The following NKX6-1 variants were observed in gnomAD, a reference collection of about 807,000 sequenced individuals.
NKX6-1 encodes NK6 homeobox 1.
A neutral mutation model predicts 24.9 loss-of-function variants in NKX6-1; 11 were observed. That is an observed-to-expected ratio of 0.44 (90% confidence interval 0.28 to 0.73). NKX6-1 has a LOEUF of 0.73. Among genes scored for constraint, NKX6-1 ranks in the 30% least tolerant of loss-of-function variants. The pLI, the probability that NKX6-1 is intolerant of heterozygous loss-of-function variation, is 0.15. For synonymous variants in NKX6-1, 277 were observed against 242.9 expected, an observed-to-expected ratio of 1.14 and a Z score of -1.31; for missense variants, 487 against 502.9, an observed-to-expected ratio of 0.97 and a Z score of 0.30.
In NKX6-1 at chr4:84,498,278, T is replaced by C; in HGVS notation, c.-50A>G. On this transcript the variant is annotated 5_prime_UTR_variant, in exon 1 of 3. Coordinates refer to ENST00000295886, the MANE Select transcript of NKX6-1 (RefSeq NM_006168.3). ...GCCTTGCAGCGAGGGCGCTGGCTGGTGCCCCCCGCGGGGCTCAGAGGAGCC... is the reference window on the plus strand; with the variant it reads ...GCCTTGCAGCGAGGGCGCTGGCTGGCGCCCCCCGCGGGGCTCAGAGGAGCC... The C allele has an allele frequency of 7.8e-7, 1 of 1,284,294 alleles. No homozygotes were observed. Among genetic ancestry groups the C allele is most frequent in the Non-Finnish European group, 9.8e-7 (1 of 1,016,000 alleles). 79.6% of individuals were successfully genotyped at this position (1,284,294 alleles called of 1,614,324 possible). A position where few individuals can be genotyped will look rare whatever the true frequency, so the allele number is the denominator to read the frequency against.
Position 84,495,740 on chromosome 4 carries a change from T to C in NKX6-1, c.775A>G (p.Lys259Glu). 3.7e-6 allele frequency: 6 copies of C among 1,613,822 alleles called. No homozygotes were observed. The highest frequency in any genetic ancestry group is 5.1e-6 in the Non-Finnish European group (6 of 1,180,046). ...FALEKTFEQT[K>E]YLAGPERARL... ...GCCCTCTCGGGCCCCGCCAAGTATTTTGTTTGTTCGAAAGTCTTCTCCAGG... is the reference window on the plus strand; with the variant it reads ...GCCCTCTCGGGCCCCGCCAAGTATTCTGTTTGTTCGAAAGTCTTCTCCAGG... The change falls in exon 2 of 3, where the codon AAA (lysine) becomes GAA (glutamate). Residue 259 changes from lysine to glutamate, a missense_variant. Coordinates refer to ENST00000295886, the MANE Select transcript of NKX6-1 (RefSeq NM_006168.3).
rs1263111575 is a variant in NKX6-1 at position 84,498,465 on chromosome 4, TC to T, written c.-238del. 2.5e-6 allele frequency: 1 copy of T among 402,040 alleles called. No individual in the cohort carries two copies. The highest frequency in any genetic ancestry group is 4.3e-6 in the Non-Finnish European group (1 of 231,320). The allele number at this position is 402,040 out of a possible 1,614,324, so 24.9% of individuals were successfully genotyped here. A position where few individuals can be genotyped will look rare whatever the true frequency, so the allele number is the denominator to read the frequency against. ...GGCAGCTCGCCGAGAAAAGCAGGCG[TC>T]CCGGCGGGCTAGGCAGTCCTTTCGT... On this transcript the variant is annotated 5_prime_UTR_variant, in exon 1 of 3. Coordinates refer to ENST00000295886, the MANE Select transcript of NKX6-1 (RefSeq NM_006168.3).
At chr4:84,496,732 G>C (rs1412293772) in intron 1 of NKX6-1, 1 of 152,412 alleles carries the variant, frequency 6.6e-6, no homozygotes, top group Non-Finnish European at 1.5e-5. Flanking sequence ...CAAGGTCTTT[G>C]CGGGATGGTA....
intron 1 of NKX6-1, among the ~76,000 whole-genome samples, chr4:84,496,177 C>T (rs144909383): frequency 5.9e-5 from 9 of 152,236 alleles, no homozygotes; most frequent in Admixed American, 1.3e-4. Context: ...AGAAAAAGGC[C>T]ACTCTCGCCT....
intron 2 of NKX6-1, among the ~76,000 whole-genome samples, chr4:84,494,188 A>C (rs1157089189): frequency 6.6e-6 from 1 of 152,036 alleles, no homozygotes; most frequent in Non-Finnish European, 1.5e-5. Context: ...AAAAAAAAAA[A>C]AAAGATCTGT....
At chr4:84,496,638 C>T (rs1720827838) in intron 1 of NKX6-1, 1 of 152,308 alleles carries the variant, frequency 6.6e-6, no homozygotes, top group African/African-American at 2.4e-5. Flanking sequence ...TGAAGTCCAC[C>T]TGGAAGGCTG....
chr4:84,493,435 C>A lies in NKX6-1; in HGVS notation c.958G>T (p.Glu320Ter), dbSNP rs564764351. 36 of 1,614,240 alleles carry A rather than the reference C, an allele frequency of 2.2e-5. No individual in the cohort carries two copies. The highest frequency in any genetic ancestry group is 3.1e-5 in the Non-Finnish European group (36 of 1,180,042). Reference sequence around the variant, plus strand: ...TTATTGTAGTCGTCGTCCTCTTCCTCGTTCTCCGAGGCCCCCTTGAGGCGC... The same window carrying A: ...TTATTGTAGTCGTCGTCCTCTTCCTAGTTCTCCGAGGCCCCCTTGAGGCGC... ...TERLKGASENEEEDDDYNKPL... is the reference protein window; with the variant it reads ...TERLKGASEN The change falls in exon 3 of 3, where the codon GAG becomes TAG. Residue 320 changes from glutamate (E) to a stop codon, truncating the protein, a stop_gained. Coordinates refer to ENST00000295886, the MANE Select transcript of NKX6-1 (RefSeq NM_006168.3). LOFTEE classifies it high-confidence loss of function. The surrounding 1 kb of genome is among the most constrained non-coding windows in gnomAD (Gnocchi z 5.1).
chr4:84,495,642 T>A (rs2109986827), intron 2 of NKX6-1, 30 bp downstream of exon 2: 1 of 1,601,614 alleles, frequency 6.2e-7, no homozygotes, highest in Admixed American at 1.7e-5. Flanking sequence ...GGGCGGTACC[T>A]ATCCCTCCAG....
chr4:84,492,403 G>C lies in NKX6-1; in HGVS notation c.*886C>G, dbSNP rs1196795464. On this transcript the variant is annotated 3_prime_UTR_variant, in exon 3 of 3. Coordinates refer to ENST00000295886, the MANE Select transcript of NKX6-1 (RefSeq NM_006168.3). Reference sequence around the variant, plus strand: ...ATTTCAGAGAGGAACAGGGAGGCAGGTGAGAGGCCCTCCCTGGTTCCCACG... The same window carrying C: ...ATTTCAGAGAGGAACAGGGAGGCAGCTGAGAGGCCCTCCCTGGTTCCCACG... 1 of 151,992 alleles carries C rather than the reference G, an allele frequency of 6.6e-6. No homozygotes were observed. Among genetic ancestry groups the C allele is most frequent in the Admixed American group, 6.6e-5 (1 of 15,262 alleles). 9.4% of individuals were successfully genotyped at this position (151,992 alleles called of 1,614,324 possible). A position where few individuals can be genotyped will look rare whatever the true frequency, so the allele number is the denominator to read the frequency against.
chr4:84,493,735 C>A lies in NKX6-1; in HGVS notation c.844-186G>T, dbSNP rs1720771020. Among the ~76,000 whole-genome samples the A allele has an allele frequency of 1.3e-5, 2 of 152,192 alleles. No homozygotes were observed. On this transcript the variant is annotated intron_variant, in intron 2 of 2. Coordinates refer to ENST00000295886, the MANE Select transcript of NKX6-1 (RefSeq NM_006168.3). The surrounding 1 kb of genome is among the most constrained non-coding windows in gnomAD (Gnocchi z 5.1). The stretch of plus-strand genomic sequence containing the variant: ...CAGTCTCCGTCGCCCCAAGTTCCCC[C>A]TGAGTAACTGGCACCAACAAACTGA...
Position 84,493,180 on chromosome 4 carries a change from T to C in NKX6-1, c.*109A>G. ...AAGGGTCCCCGCAGGCAGGGCCGGG[T>C]CCTCCGGGCCCCGAGGAGCGGGCAG... On this transcript the variant is annotated 3_prime_UTR_variant, in exon 3 of 3. Coordinates refer to ENST00000295886, the MANE Select transcript of NKX6-1 (RefSeq NM_006168.3). The surrounding 1 kb of genome is among the most constrained non-coding windows in gnomAD (Gnocchi z 5.1). 1 of 1,030,124 alleles carries C rather than the reference T, an allele frequency of 9.7e-7. No individual in the cohort carries two copies. Among genetic ancestry groups the C allele is most frequent in the Non-Finnish European group, 1.3e-6 (1 of 776,802 alleles). 63.8% of individuals were successfully genotyped at this position (1,030,124 alleles called of 1,614,324 possible). A position where few individuals can be genotyped will look rare whatever the true frequency, so the allele number is the denominator to read the frequency against.
Position 84,497,760 on chromosome 4 carries a change from G to T in NKX6-1, c.469C>A (p.Leu157Met). 7.8e-7 allele frequency: 1 copy of T among 1,277,306 alleles called. No individual in the cohort carries two copies. The highest frequency in any genetic ancestry group is 9.9e-7 in the Non-Finnish European group (1 of 1,014,848). 79.1% of individuals were successfully genotyped at this position (1,277,306 alleles called of 1,614,324 possible). The stretch of plus-strand genomic sequence containing the variant: ...CTGCTAAAGCGTGGCAGTCCGGCCA[G>T]CAGCCCCGCCGGGGATGAGGCGGCG... Reference protein sequence around the residue: ...AAAASSPAGLLAGLPRFSSLS... With the variant: ...AAAASSPAGLMAGLPRFSSLS... Residue 157 changes from leucine to methionine, a missense_variant, in exon 1 of 3, where the codon CTG becomes ATG. Physicochemically the swap from Leu to Met is conservative, Grantham distance 15. This residue lies in a region of NKX6-1 where 316 missense variants were observed against 311.4 expected (regional missense o/e 1.01). Coordinates refer to ENST00000295886, the MANE Select transcript of NKX6-1 (RefSeq NM_006168.3). This position sits in a 1 kb window ranked among gnomAD's most constrained non-coding sequence, Gnocchi z 4.8.
rs1375717414 is a variant in NKX6-1 at position 84,498,716 on chromosome 4, G to A, written c.-488C>T. ...GGAGGTTCAAAGGACGCCTTGTGCA[G>A]CCCGTGGCGCTCCTCTGATCTTACT... On this transcript the variant is annotated 5_prime_UTR_variant, in exon 1 of 3. Transcript: ENST00000295886. Among the ~76,000 whole-genome samples the A allele has an allele frequency of 6.6e-6, 1 of 152,186 alleles. No homozygotes were observed. Among genetic ancestry groups the A allele is most frequent in the Non-Finnish European group, 1.5e-5 (1 of 68,042 alleles).
Position 84,493,101 on chromosome 4 carries a change from C to G in NKX6-1, c.*188G>C. On this transcript the variant is annotated 3_prime_UTR_variant, in exon 3 of 3. Coordinates refer to ENST00000295886, the MANE Select transcript of NKX6-1 (RefSeq NM_006168.3). The surrounding 1 kb of genome is among the most constrained non-coding windows in gnomAD (Gnocchi z 5.1). ...CCCCGGAGTCTCTCTCCCCTACATCCCCTCCCACAACTTCAAGGTTAAAAA... is the reference window on the plus strand; with the variant it reads ...CCCCGGAGTCTCTCTCCCCTACATCGCCTCCCACAACTTCAAGGTTAAAAA... 2.2e-6 allele frequency: 1 copy of G among 451,918 alleles called. No individual in the cohort carries two copies. Among genetic ancestry groups the G allele is most frequent in the African/African-American group, 2.1e-5 (1 of 48,780 alleles). 28.0% of individuals were successfully genotyped at this position (451,918 alleles called of 1,614,324 possible). A position where few individuals can be genotyped will look rare whatever the true frequency, so the allele number is the denominator to read the frequency against.
chr4:84,496,495 C>A (rs1372023076), intron 1 of NKX6-1: 1 of 152,330 alleles, frequency 6.6e-6, no homozygotes, highest in East Asian at 1.9e-4. Flanking sequence ...AAGAGAACCT[C>A]CACTTGGCTT....
At position 84,493,638 on chromosome 4, in the gene NKX6-1, A is replaced by G; in HGVS notation, c.844-89T>C. On this transcript the variant is annotated intron_variant, in intron 2 of 2. Transcript: ENST00000295886. The surrounding 1 kb of genome is among the most constrained non-coding windows in gnomAD (Gnocchi z 5.1). ...GCCATGCTACCACTCCCGCATCTCG[A>G]TGGCCCTCCCGCGGCCCCCCGAAGG... 1 of 1,503,900 alleles carries G rather than the reference A, an allele frequency of 6.6e-7. No individual in the cohort carries two copies. Among genetic ancestry groups the G allele is most frequent in the Non-Finnish European group, 9.0e-7 (1 of 1,109,262 alleles). The allele number at this position is 1,503,900 out of a possible 1,614,324, so 93.2% of individuals were successfully genotyped here.
chr4:84,497,533 A>T lies in NKX6-1; in HGVS notation c.670+26T>A, dbSNP rs1187229365. On this transcript the variant is annotated intron_variant, in intron 1 of 2. Transcript: ENST00000295886. The surrounding 1 kb of genome is among the most constrained non-coding windows in gnomAD (Gnocchi z 4.8). ...GGCAGAACAGGCACGGCAGGCAGGCATCGGGGCGCGGGTGGTAGTACTCAC... is the reference window on the plus strand; with the variant it reads ...GGCAGAACAGGCACGGCAGGCAGGCTTCGGGGCGCGGGTGGTAGTACTCAC... 4 of 1,253,570 alleles carry T rather than the reference A, an allele frequency of 3.2e-6. No individual in the cohort carries two copies. Among genetic ancestry groups the T allele is most frequent in the Non-Finnish European group, 4.0e-6 (4 of 991,550 alleles). 77.7% of individuals were successfully genotyped at this position (1,253,570 alleles called of 1,614,324 possible). A position where few individuals can be genotyped will look rare whatever the true frequency, so the allele number is the denominator to read the frequency against.
chr4:84,493,087 C>G lies in NKX6-1; in HGVS notation c.*202G>C, dbSNP rs959866522. ...TCTTGCCTTATCAACCCCGGAGTCT[C>G]TCTCCCCTACATCCCCTCCCACAAC... On this transcript the variant is annotated 3_prime_UTR_variant, in exon 3 of 3. Coordinates refer to ENST00000295886, the MANE Select transcript of NKX6-1 (RefSeq NM_006168.3). This position sits in a 1 kb window ranked among gnomAD's most constrained non-coding sequence, Gnocchi z 5.1. 1.1e-4 allele frequency: 48 copies of G among 419,732 alleles called. No homozygotes were observed. The highest frequency in any genetic ancestry group is 6.3e-4 in the Middle Eastern group (1 of 1,590). 26.0% of individuals were successfully genotyped at this position (419,732 alleles called of 1,614,324 possible).
chr4:84,492,149 G>T lies in NKX6-1; in HGVS notation c.*1140C>A, dbSNP rs1720737604. The T allele has an allele frequency of 6.6e-6, 1 of 152,158 alleles. No homozygotes were observed. 9.4% of individuals were successfully genotyped at this position (152,158 alleles called of 1,614,324 possible). On this transcript the variant is annotated 3_prime_UTR_variant, in exon 3 of 3. Coordinates refer to ENST00000295886, the MANE Select transcript of NKX6-1 (RefSeq NM_006168.3). ...ATATCACCATTATTAGCTGTAAAAAGAAAACAATTTACATATTCTATAGTA... is the reference window on the plus strand; with the variant it reads ...ATATCACCATTATTAGCTGTAAAAATAAAACAATTTACATATTCTATAGTA...
Sources: allele counts gnomAD v4.1 joint callset (sites outside exome capture counted in the v4.1 genomes callset), GRCh38; gene constraint gnomAD v4.1.1; regional missense constraint gnomAD v4.1.1; non-coding constraint Gnocchi (gnomAD v3.1); transcripts MANE v1.5; gene names NCBI Gene and HGNC (gene_info 2026-07-23, HGNC 2026-07-21).